The following GNG7 variants were observed in gnomAD, a reference collection of about 807,000 sequenced individuals.
GNG7 encodes the protein G protein subunit gamma 7, also known as guanine nucleotide-binding protein G(I)/G(S)/G(O) subunit gamma-7.
In GNG7, 1 loss-of-function variant was observed where a neutral mutation model predicts 4.0. The ratio of observed to expected loss-of-function variants is 0.25; its 90% confidence interval spans 0.09 to 1.18. The LOEUF is 1.18. GNG7 is among the 50% of genes most tolerant of loss of function. The pLI, the probability that GNG7 is intolerant of heterozygous loss-of-function variation, is 0.50. For synonymous variants in GNG7, 34 were observed against 36.9 expected, an observed-to-expected ratio of 0.92 and a Z score of 0.29; for missense variants, 86 against 91.9, an observed-to-expected ratio of 0.94 and a Z score of 0.26.
rs535634181 is a variant in GNG7 at position 2,597,951 on chromosome 19, T to C, written c.-77-42763A>G. Among the ~76,000 whole-genome samples the C allele has an allele frequency of 3.1e-3, 469 of 151,546 alleles. 1 individual carries two copies. The highest frequency in any genetic ancestry group is 9.8e-3 in the African/African-American group (406 of 41,252). ...AGAAAGGTAAAAAGCAGCTCAGGAC[T>C]GCCAATGTACAATGCGCTCCATATT... On this transcript the variant is annotated intron_variant, in intron 2 of 4. Transcript: ENST00000382159.
chr19:2,524,468 G>A (rs948238221), intron 3 of GNG7, among the ~76,000 whole-genome samples: 7 of 152,236 alleles, frequency 4.6e-5, no homozygotes, highest in Non-Finnish European at 8.8e-5. Context: ...CCTTGCGTGT[G>A]CATGTATGTG....
At chr19:2,663,465 C>T (rs1007324587) in intron 1 of GNG7, among the ~76,000 whole-genome samples, 5 of 152,036 alleles carry the variant, frequency 3.3e-5, no homozygotes, top group African/African-American at 9.7e-5. Flanking sequence ...CATTGGACTT[C>T]CCAGTCCCTA....
At chr19:2,529,797 A>C (rs1046003515) in intron 3 of GNG7, among the ~76,000 whole-genome samples, 2 of 152,100 alleles carry the variant, frequency 1.3e-5, no homozygotes, top group Admixed American at 1.3e-4. Flanking sequence ...TGTTCAAGGG[A>C]TAAGGGCTGA....
chr19:2,683,238 C>CA (rs113884625), intron 1 of GNG7, among the ~76,000 whole-genome samples: 9,382 of 144,658 alleles, frequency 0.065, 410 homozygotes, highest in Middle Eastern at 0.11. Flanking sequence ...GACTCCGTCT[C>CA]AAAAAAAAAA....
intron 3 of GNG7, among the ~76,000 whole-genome samples, chr19:2,530,062 C>A (rs1978533520): frequency 6.6e-6 from 1 of 152,226 alleles, no homozygotes; most frequent in Non-Finnish European, 1.5e-5. Context: ...TTTTGGCTTG[C>A]ACAATGGTGG....
intron 2 of GNG7, among the ~76,000 whole-genome samples, chr19:2,573,473 G>A (rs991085774): frequency 1.3e-5 from 2 of 152,138 alleles, no homozygotes; most frequent in African/African-American, 4.8e-5. Context: ...CCTCACAGCT[G>A]CGTGGCTTCC....
intron 2 of GNG7, among the ~76,000 whole-genome samples, chr19:2,605,172 C>T (rs1981338994): frequency 6.6e-6 from 1 of 152,158 alleles, no homozygotes; most frequent in Admixed American, 6.6e-5. Flanking sequence ...CCATGCCTTT[C>T]CTCATGTGTC....
intron 1 of GNG7, among the ~76,000 whole-genome samples, chr19:2,670,757 C>T (rs1039395193): frequency 2.0e-5 from 3 of 149,542 alleles, no homozygotes; most frequent in African/African-American, 4.9e-5. Flanking sequence ...CCTCGCCCCG[C>T]CCCCCACAAG....
chr19:2,581,303 G>C (rs1039874280), intron 2 of GNG7, among the ~76,000 whole-genome samples: 3 of 147,200 alleles, frequency 2.0e-5, no homozygotes, highest in African/African-American at 7.5e-5. Flanking sequence ...GATGGGGGGG[G>C]CCGCGGGGGT....
rs1972707309 is a variant in GNG7, at chr19:2,514,818, C to T, written c.*204G>A. ...GGACCTGAAAATTCATCTCCACCTACAAGGTCCATTCTACCCCATCCGGGC... is the reference window on the plus strand; with the variant it reads ...GGACCTGAAAATTCATCTCCACCTATAAGGTCCATTCTACCCCATCCGGGC... On this transcript the variant is annotated 3_prime_UTR_variant, in exon 5 of 5. Transcript: ENST00000382159. 2.0e-6 allele frequency: 1 copy of T among 491,662 alleles called. No homozygotes were observed. The highest frequency in any genetic ancestry group is 3.4e-5 in the Admixed American group (1 of 29,036). 30.5% of individuals were successfully genotyped at this position (491,662 alleles called of 1,614,324 possible).
At chr19:2,628,213 G>A (rs1982067457) in intron 2 of GNG7, among the ~76,000 whole-genome samples, 1 of 152,188 alleles carries the variant, frequency 6.6e-6, no homozygotes, top group Non-Finnish European at 1.5e-5. Flanking sequence ...GCTTAACTGG[G>A]TCCCCCGCTC....
intron 2 of GNG7, among the ~76,000 whole-genome samples, chr19:2,564,205 A>T (rs1026220808): frequency 2.0e-5 from 3 of 152,180 alleles, no homozygotes; most frequent in African/African-American, 7.2e-5. Flanking sequence ...CTGCAGATGG[A>T]AGATGATACG....
At position 2,513,249 on chromosome 19, in the gene GNG7, G is replaced by A. The variant is rs1380961271; in HGVS notation, c.*1773C>T. The A allele has an allele frequency of 2.1e-5, 12 of 575,488 alleles. No homozygotes were observed. Among genetic ancestry groups the A allele is most frequent in the East Asian group, 2.9e-4 (2 of 6,892 alleles). 35.6% of individuals were successfully genotyped at this position (575,488 alleles called of 1,614,324 possible). Reference sequence around the variant, plus strand: ...ACGGGCCTGCACGGAGGACCTGGGCGGCCGTCCAGGAACCCTCTCGGCACG... The same window carrying A: ...ACGGGCCTGCACGGAGGACCTGGGCAGCCGTCCAGGAACCCTCTCGGCACG... On this transcript the variant is annotated 3_prime_UTR_variant, in exon 5 of 5. Coordinates refer to ENST00000382159, the MANE Select transcript of GNG7 (RefSeq NM_052847.3).
intron 3 of GNG7, among the ~76,000 whole-genome samples, chr19:2,542,609 G>A (rs1191255616): frequency 6.6e-6 from 1 of 152,168 alleles, no homozygotes; most frequent in African/African-American, 2.4e-5. Flanking sequence ...CCTGGGCAGA[G>A]GACGTCATTG....
intron 1 of GNG7, among the ~76,000 whole-genome samples, chr19:2,673,202 G>A (rs986227946): frequency 6.7e-6 from 1 of 149,908 alleles, no homozygotes; most frequent in African/African-American, 2.4e-5. Flanking sequence ...AGCTTGCAGC[G>A]AGCTGAGATA....
At chr19:2,698,203 G>T (rs1325912006) in intron 1 of GNG7, among the ~76,000 whole-genome samples, 1 of 150,988 alleles carries the variant, frequency 6.6e-6, no homozygotes, top group Non-Finnish European at 1.5e-5. Context: ...GGAGGCAGAG[G>T]TTGCAGTGAG....
chr19:2,516,458 A>G (rs1426132889), intron 4 of GNG7, among the ~76,000 whole-genome samples: 1 of 152,020 alleles, frequency 6.6e-6, no homozygotes, highest in East Asian at 1.9e-4. Context: ...TCCTAACTTC[A>G]AGTGATCCAC....
intron 1 of GNG7, among the ~76,000 whole-genome samples, chr19:2,668,449 C>T (rs537081011): frequency 2.0e-5 from 3 of 152,142 alleles, no homozygotes; most frequent in Non-Finnish European, 4.4e-5. Flanking sequence ...GAACCAGTGG[C>T]TGGGCGGTTG....
Position 2,546,620 on chromosome 19 carries a change from C to A in GNG7, c.-38+8529G>T, listed in dbSNP as rs1979134694. 6.6e-6 allele frequency among the ~76,000 whole-genome samples: 1 copy of A among 152,170 alleles called. No homozygotes were observed. On this transcript the variant is annotated intron_variant, in intron 3 of 4. Coordinates refer to ENST00000382159, the MANE Select transcript of GNG7 (RefSeq NM_052847.3). The surrounding 1 kb of genome is among the most constrained non-coding windows in gnomAD (Gnocchi z 6.3). ...GCCCACGAGAAAGTGAAAAATAGAC[C>A]AGCGGGGCAGGTCCCGCCGCTGCCT...
Sources: allele counts gnomAD v4.1 joint callset (sites outside exome capture counted in the v4.1 genomes callset), GRCh38; gene constraint gnomAD v4.1.1; non-coding constraint Gnocchi (gnomAD v3.1); transcripts MANE v1.5; gene names NCBI Gene and HGNC (gene_info 2026-07-23, HGNC 2026-07-21).